The following DLC1 variants were observed in gnomAD, a reference collection of about 807,000 sequenced individuals.
The protein encoded by DLC1 is rho GTPase-activating protein 7.
In DLC1, 54 loss-of-function variants were observed where a neutral mutation model predicts 140.3. The ratio of observed to expected loss-of-function variants is 0.38; its 90% CI spans 0.31 to 0.48. DLC1 has a LOEUF of 0.48. Ranked by LOEUF, DLC1 falls within the 20% of genes least tolerant of loss-of-function variation. DLC1 has a pLI of 0.96. For synonymous variants in DLC1, 986 were observed against 728.1 expected, an observed-to-expected ratio of 1.35 and a Z score of -5.70; for missense variants, 2,536 against 1,907.0, an observed-to-expected ratio of 1.33 and a Z score of -6.14.
intron 1 of DLC1, among the ~76,000 whole-genome samples, chr8:13,531,229 A>G (rs1194506730): frequency 6.6e-6 from 1 of 152,180 alleles, no homozygotes; most frequent in Non-Finnish European, 1.5e-5. Context: ...GTCTATAATA[A>G]TTTGCTATAG....
Position 13,295,809 on chromosome 8 carries a change from A to G in DLC1, c.1348+9460T>C, listed in dbSNP as rs150565288. Among the ~76,000 whole-genome samples, 378 of 152,278 alleles carry G rather than the reference A, an allele frequency of 2.5e-3. 5 individuals carry two copies. Among genetic ancestry groups the G allele is most frequent in the African/African-American group, 8.4e-3 (347 of 41,556 alleles). ...TCTCCAAAGAAACTAGGATCAATCA[A>G]CACTTTTCTTGTGGGTACGTATTTG... On this transcript the variant is annotated intron_variant, in intron 5 of 17. Transcript: ENST00000276297.
chr8:13,295,938 C>CTTTTTTTTTTTTTTTTTT (rs34697767), intron 5 of DLC1, among the ~76,000 whole-genome samples: 1 of 53,344 alleles, frequency 1.9e-5, no homozygotes, highest in African/African-American at 7.2e-5. Context: ...AGATAAGATT[C>CTTTTTTTTTTTTTTTTTT]TTTGTTTTTT....
At position 13,499,513 on chromosome 8, in the gene DLC1, T is replaced by A; in HGVS notation, c.559A>T (p.Ile187Leu). 1 of 1,614,194 alleles carries A rather than the reference T, an allele frequency of 6.2e-7. No individual in the cohort carries two copies. The highest frequency in any genetic ancestry group is 8.5e-7 in the Non-Finnish European group (1 of 1,180,026). ...ESGERKVTDS[I>L]SKSLELCNEI... is the part of the protein sequence containing the mutation. ...TTGCAAAGCTCCAGGCTTTTACTTATAGAGTCAGTAACTTTTCTCTCCCCA... is the reference window on the plus strand; with the variant it reads ...TTGCAAAGCTCCAGGCTTTTACTTAAAGAGTCAGTAACTTTTCTCTCCCCA... The change falls in exon 2 of 18, where the codon ATA (isoleucine) becomes TTA (leucine). Residue 187 changes from isoleucine (I) to leucine (L), a missense_variant. By Grantham distance (5) the Ile-to-Leu change is conservative. Coordinates refer to ENST00000276297, the MANE Select transcript of DLC1 (RefSeq NM_182643.3).
rs769938928 is a variant in DLC1, at chr8:13,092,646, G to T, written c.3706C>A (p.Leu1236Ile). The change falls in exon 13 of 18, where the codon CTC (leucine) becomes ATC (isoleucine). Residue 1236 changes from leucine (L) to isoleucine (I), a missense_variant. Leu to Ile is a conservative substitution (Grantham distance 5). Coordinates refer to ENST00000276297, the MANE Select transcript of DLC1 (RefSeq NM_182643.3). ...GAATTCTCTCTCTTCAGGGTGTTGA[G>T]ATGGAAGAGGGAAGGCGCTAAGCAC... ...AVCLAPSLFH[L>I]NTLKRENSSP... 6.2e-7 allele frequency: 1 copy of T among 1,614,208 alleles called. No homozygotes were observed. The highest frequency in any genetic ancestry group is 2.2e-5 in the East Asian group (1 of 44,880).
At chr8:13,190,744 G>A (rs1472488766) in intron 5 of DLC1, among the ~76,000 whole-genome samples, 1 of 152,078 alleles carries the variant, frequency 6.6e-6, no homozygotes, top group Non-Finnish European at 1.5e-5. Context: ...GAGAGGCGTG[G>A]GCCCGAGAGG....
At chr8:13,431,677 A>G (rs1350408262) in intron 2 of DLC1, among the ~76,000 whole-genome samples, 1 of 136,760 alleles carries the variant, frequency 7.3e-6, no homozygotes, top group Admixed American at 6.9e-5. Context: ...GAGAAAAAAG[A>G]AAAAAAAATC....
chr8:13,449,637 G>A lies in DLC1; in HGVS notation c.1024-48018C>T, dbSNP rs571251652. ...TAGAACAATGAGAACACTTGGACAC[G>A]GGAAGGGGAATATCACACACTGGGG... On this transcript the variant is annotated intron_variant, in intron 2 of 17. Coordinates refer to ENST00000276297, the MANE Select transcript of DLC1 (RefSeq NM_182643.3). Among the ~76,000 whole-genome samples the A allele has an allele frequency of 4.0e-3, 598 of 151,228 alleles. 3 individuals are homozygous for A. Among genetic ancestry groups the A allele is most frequent in the Non-Finnish European group, 5.4e-3 (369 of 67,796 alleles).
intron 1 of DLC1, among the ~76,000 whole-genome samples, chr8:13,550,625 TA>T (rs1336953262): frequency 6.6e-6 from 1 of 152,150 alleles, no homozygotes; most frequent in Non-Finnish European, 1.5e-5. Flanking sequence ...AATAGAATCT[TA>T]AAACAAAATA....
At chr8:13,548,225 C>G (rs761839554) in intron 1 of DLC1, among the ~76,000 whole-genome samples, 1 of 152,020 alleles carries the variant, frequency 6.6e-6, no homozygotes, top group African/African-American at 2.4e-5. Flanking sequence ...AACAATCCCA[C>G]GCCTACCCGA....
intron 1 of DLC1, among the ~76,000 whole-genome samples, chr8:13,570,913 G>T (rs905630427): frequency 1.1e-4 from 17 of 152,048 alleles, no homozygotes; most frequent in African/African-American, 4.1e-4. Context: ...GTCCTGCCAG[G>T]GTTAACTCTT....
At chr8:13,394,124 T>A (rs1836903976) in intron 3 of DLC1, among the ~76,000 whole-genome samples, 1 of 152,220 alleles carries the variant, frequency 6.6e-6, no homozygotes. Context: ...CAAAGAGAGT[T>A]CTCATTTCTT....
chr8:13,322,977 A>G (rs1224063132), intron 4 of DLC1, among the ~76,000 whole-genome samples: 1 of 152,176 alleles, frequency 6.6e-6, no homozygotes, highest in Non-Finnish European at 1.5e-5. Flanking sequence ...TCATGAGGAT[A>G]CTCAAGCAGC....
chr8:13,338,914 C>G (rs772408956), intron 4 of DLC1, among the ~76,000 whole-genome samples: 13 of 152,162 alleles, frequency 8.5e-5, no homozygotes, highest in Non-Finnish European at 7.3e-5. Flanking sequence ...CTTTTGTACC[C>G]TTTAATTATT....
chr8:13,243,891 C>G (rs997140267), intron 5 of DLC1, among the ~76,000 whole-genome samples: 2 of 152,164 alleles, frequency 1.3e-5, no homozygotes, highest in Non-Finnish European at 2.9e-5. Context: ...GTCCCTCTCT[C>G]TTAAGTTTAG....
intron 1 of DLC1, among the ~76,000 whole-genome samples, chr8:13,537,515 G>T (rs1803323103): frequency 6.6e-6 from 1 of 152,128 alleles, no homozygotes; most frequent in South Asian, 2.1e-4. Flanking sequence ...AGGTTTCAGT[G>T]TAAAAGCTGA....
At chr8:13,551,890 A>G (rs1423849744) in intron 1 of DLC1, among the ~76,000 whole-genome samples, 1 of 102,118 alleles carries the variant, frequency 9.8e-6, no homozygotes, top group Non-Finnish European at 2.1e-5. Context: ...ATAGACAGGT[A>G]TATATACATA....
intron 4 of DLC1, among the ~76,000 whole-genome samples, chr8:13,332,387 A>T (rs1833626410): frequency 6.6e-6 from 1 of 151,700 alleles, no homozygotes; most frequent in Non-Finnish European, 1.5e-5. Context: ...ATACCTTGGT[A>T]GCTGCTGGAA....
chr8:13,170,217 A>G (rs1247805338), intron 5 of DLC1, among the ~76,000 whole-genome samples: 1 of 152,196 alleles, frequency 6.6e-6, no homozygotes, highest in African/African-American at 2.4e-5. Context: ...AGATGTTATG[A>G]TGGATACATT....
rs188396295 is a variant in DLC1, at chr8:13,393,798, C to G, written c.1174-105G>C. ...CACTTCTTCTTTCTCCCAGTGCACA[C>G]TGATACACTAAAGAGTTGCTGACAA... On this transcript the variant is annotated intron_variant, in intron 3 of 17. Transcript: ENST00000276297. 7.5e-6 allele frequency: 10 copies of G among 1,325,936 alleles called. No individual in the cohort carries two copies. The South Asian group carries it at 9.9e-5, about 13-fold the overall frequency. 82.1% of individuals were successfully genotyped at this position (1,325,936 alleles called of 1,614,324 possible). A position where few individuals can be genotyped will look rare whatever the true frequency, so the allele number is the denominator to read the frequency against.
Sources: gnomAD v4.1 joint callset for allele counts (sites outside exome capture counted in the v4.1 genomes callset) on GRCh38, gnomAD v4.1.1 for gene constraint, MANE v1.5 for transcripts, NCBI Gene and HGNC (gene_info 2026-07-23, HGNC 2026-07-21) for gene names.